The following NT5C2 variants were observed in gnomAD, a reference collection of about 807,000 sequenced individuals.
The protein encoded by NT5C2 is 5'-nucleotidase, cytosolic II.
In NT5C2, 58 loss-of-function variants were observed where a neutral mutation model predicts 76.1. The observed-to-expected ratio is 0.76, with a 90% CI of 0.62 to 0.95. The LOEUF is 0.95. NT5C2 is among the 40% of genes least tolerant of loss of function. The pLI is 0.00. For synonymous variants in NT5C2, 229 were observed against 237.4 expected (o/e 0.96, Z 0.32); for missense variants, 478 against 690.3 (o/e 0.69, Z 3.45).
chr10:103,150,790 G>A (rs967404703), intron 3 of NT5C2, among the ~76,000 whole-genome samples: 2 of 152,080 alleles, frequency 1.3e-5, no homozygotes, highest in Non-Finnish European at 2.9e-5. Flanking sequence ...TATTTTGCCC[G>A]TTTTTAAACT....
At position 103,089,592 on chromosome 10, in the gene NT5C2, A is replaced by C; in HGVS notation, c.*80T>G. The C allele has an allele frequency of 6.8e-7, 1 of 1,463,372 alleles. No individual in the cohort carries two copies. Among genetic ancestry groups the C allele is most frequent in the Non-Finnish European group, 9.0e-7 (1 of 1,106,600 alleles). 90.6% of individuals were successfully genotyped at this position (1,463,372 alleles called of 1,614,324 possible). A position where few individuals can be genotyped will look rare whatever the true frequency, so the allele number is the denominator to read the frequency against. On this transcript the variant is annotated 3_prime_UTR_variant, in exon 19 of 19. Coordinates refer to ENST00000404739, the MANE Select transcript of NT5C2 (RefSeq NM_001351169.2). ...GAGCCCCCTCCCTCCCCCGAGTAGAACCCTAACAGGGACCTCGTTTGTTCC... is the reference window on the plus strand; with the variant it reads ...GAGCCCCCTCCCTCCCCCGAGTAGACCCCTAACAGGGACCTCGTTTGTTCC...
intron 1 of NT5C2, among the ~76,000 whole-genome samples, chr10:103,191,529 C>T (rs957738893): frequency 2.0e-5 from 3 of 152,120 alleles, no homozygotes; most frequent in African/African-American, 7.2e-5. Context: ...TGTAATCTGG[C>T]TTTCTTTAGG....
Position 103,106,853 on chromosome 10 carries a change from TA to T in NT5C2, c.176-148del, listed in dbSNP as rs1415612722. On this transcript the variant is annotated intron_variant, in intron 4 of 18. Coordinates refer to ENST00000404739, the MANE Select transcript of NT5C2 (RefSeq NM_001351169.2). Reference sequence around the variant, plus strand: ...CTTCCCCCTCAAACTCCATGTTCTGTATTGCCCCAAGTAATTAGAGAACTCA... The same window carrying T: ...CTTCCCCCTCAAACTCCATGTTCTGTTTGCCCCAAGTAATTAGAGAACTCA... The T allele has an allele frequency of 2.8e-5, 18 of 642,712 alleles. No individual in the cohort carries two copies. The African/African-American group carries it at 3.1e-4, about 11-fold the overall frequency. The allele number at this position is 642,712 out of a possible 1,614,324, so 39.8% of individuals were successfully genotyped here. A position where few individuals can be genotyped will look rare whatever the true frequency, so the allele number is the denominator to read the frequency against.
At chr10:103,097,758 A>G (rs929496650) in intron 10 of NT5C2, among the ~76,000 whole-genome samples, 1 of 152,190 alleles carries the variant, frequency 6.6e-6, no homozygotes, top group African/African-American at 2.4e-5. Context: ...CTCTACATAG[A>G]GATTATTAGA....
chr10:103,166,564 T>C (rs955090281), intron 3 of NT5C2, among the ~76,000 whole-genome samples: 2 of 152,212 alleles, frequency 1.3e-5, no homozygotes, highest in Non-Finnish European at 2.9e-5. Flanking sequence ...TTACCTGTCA[T>C]TCCTTAGGAA....
chr10:103,120,875 G>A (rs2075519413), intron 4 of NT5C2, among the ~76,000 whole-genome samples: 1 of 152,128 alleles, frequency 6.6e-6, no homozygotes, highest in South Asian at 2.1e-4. Context: ...ATTCATAATA[G>A]CCAAAAGGTG....
chr10:103,174,318 T>C (rs966816494), intron 3 of NT5C2, among the ~76,000 whole-genome samples: 4 of 151,848 alleles, frequency 2.6e-5, no homozygotes, highest in Admixed American at 2.0e-4. Flanking sequence ...GGCATGAGAA[T>C]TGCTTGAAGC....
In NT5C2 at chr10:103,098,931, A is replaced by C; in HGVS notation, c.687T>G (p.Asp229Glu). The C allele has an allele frequency of 1.2e-6, 2 of 1,600,748 alleles. No homozygotes were observed. The highest frequency in any genetic ancestry group is 1.7e-6 in the Non-Finnish European group (2 of 1,169,194). Residue 229 changes from aspartate to glutamate, a missense_variant and splice_region_variant, in exon 10 of 19, where the codon GAT becomes GAG. Asp to Glu is a conservative substitution (Grantham distance 45). Coordinates refer to ENST00000404739, the MANE Select transcript of NT5C2 (RefSeq NM_001351169.2). Reference protein sequence around the residue: ...VENLEKYVVKDGKLPLLLSRM... With the variant: ...VENLEKYVVKEGKLPLLLSRM... ...ATCTATTTTCCCCTATATTACTTAC[A>C]TCTTTGACTACATACTTCTCAAGAT...
chr10:103,124,731 G>C (rs1591123457), intron 4 of NT5C2, among the ~76,000 whole-genome samples: 1 of 151,918 alleles, frequency 6.6e-6, no homozygotes, highest in Admixed American at 6.6e-5. Flanking sequence ...GCTAGTACAA[G>C]GCAGAGCTGG....
chr10:103,125,373 C>T, intron 4 of NT5C2: 1 of 325,028 alleles, frequency 3.1e-6, no homozygotes, highest in Non-Finnish European at 5.8e-6. Context: ...TTCGACATTG[C>T]TGATGCTCTT....
At chr10:103,094,530 T>C in intron 12 of NT5C2, 75 bp from the exon 13 acceptor site, 4 of 770,364 alleles carry the variant, frequency 5.2e-6, no homozygotes, top group Non-Finnish European at 9.2e-6. Flanking sequence ...CTCACTCAGA[T>C]GCAAGGAATA....
intron 4 of NT5C2, among the ~76,000 whole-genome samples, chr10:103,135,149 G>A (rs1165543284): frequency 6.6e-6 from 1 of 152,198 alleles, no homozygotes; most frequent in Non-Finnish European, 1.5e-5. Flanking sequence ...GGGACTGTTG[G>A]GAAGGCATGA....
intron 4 of NT5C2, 95 bp from the exon 5 acceptor site, chr10:103,106,801 C>T: frequency 1.2e-6 from 1 of 803,290 alleles, no homozygotes; most frequent in Non-Finnish European, 2.2e-6. Context: ...CCAGTTCTTC[C>T]CCCCTCCTAA....
chr10:103,157,730 G>A (rs1280364157), intron 3 of NT5C2, among the ~76,000 whole-genome samples: 1 of 152,118 alleles, frequency 6.6e-6, no homozygotes, highest in Non-Finnish European at 1.5e-5. Context: ...CTAAAATCAT[G>A]TAAAATATGT....
intron 3 of NT5C2, among the ~76,000 whole-genome samples, chr10:103,173,083 A>G (rs1467063725): frequency 6.6e-6 from 1 of 152,130 alleles, no homozygotes; most frequent in African/African-American, 2.4e-5. Context: ...TCCTGGGTTC[A>G]AGCAATCCTC....
intron 1 of NT5C2, 96 bp downstream of exon 1, chr10:103,193,140 C>G (rs1450535020): frequency 6.6e-6 from 1 of 152,180 alleles, no homozygotes; most frequent in East Asian, 1.9e-4. Context: ...GCGGCGGCCG[C>G]TACCCTGGGG....
intron 4 of NT5C2, among the ~76,000 whole-genome samples, chr10:103,126,749 C>G (rs2076740055): frequency 2.0e-5 from 3 of 152,224 alleles, no homozygotes; most frequent in Admixed American, 2.0e-4. Flanking sequence ...ACTCGACAGA[C>G]AAACTACAGC....
At chr10:103,107,431 T>C (rs1179634697) in intron 4 of NT5C2, among the ~76,000 whole-genome samples, 1 of 152,126 alleles carries the variant, frequency 6.6e-6, no homozygotes, top group Non-Finnish European at 1.5e-5. Context: ...TTCCAGCACT[T>C]TGAGAAGCCG....
At chr10:103,135,530 T>C (rs1487768751) in intron 4 of NT5C2, among the ~76,000 whole-genome samples, 1 of 152,054 alleles carries the variant, frequency 6.6e-6, no homozygotes, top group African/African-American at 2.4e-5. Context: ...ATCCCAGCAC[T>C]TTGGGAGGCC....
Sources: gnomAD v4.1 joint callset for allele counts (sites outside exome capture counted in the v4.1 genomes callset) on GRCh38, gnomAD v4.1.1 for gene constraint, MANE v1.5 for transcripts, NCBI Gene and HGNC (gene_info 2026-07-23, HGNC 2026-07-21) for gene names.